Variants in AKAP10 observed in about 807,000 individuals in gnomAD.
The protein encoded by AKAP10 is A-kinase anchor protein 10, mitochondrial.
A neutral mutation model predicts 80.8 loss-of-function variants in AKAP10; 24 were observed. The observed-to-expected ratio is 0.30, with a 90% CI of 0.22 to 0.42. The LOEUF is 0.42. AKAP10 is among the 10% of genes least tolerant of loss of function. AKAP10 has a pLI of 1.00. For missense variants in AKAP10, 661 were observed against 794.9 expected (o/e 0.83, Z 2.03); for synonymous variants, 291 against 277.7 (o/e 1.05, Z -0.48).
intron 1 of AKAP10, among the ~76,000 whole-genome samples, chr17:19,970,240 G>A (rs1050617441): frequency 2.0e-5 from 3 of 152,014 alleles, no homozygotes; most frequent in African/African-American, 4.8e-5. Context: ...CAAAATTCCG[G>A]AAGTCATCCT....
chr17:19,923,653 A>G (rs902844568), intron 11 of AKAP10, among the ~76,000 whole-genome samples: 2 of 151,820 alleles, frequency 1.3e-5, no homozygotes, highest in Non-Finnish European at 2.9e-5. Context: ...CAGCCTCCCA[A>G]GTAGCTGGGA....
chr17:19,946,259 ATATATATATATATATATTTTT>A, intron 5 of AKAP10, among the ~76,000 whole-genome samples: 1 of 23,932 alleles, frequency 4.2e-5, no homozygotes, highest in Non-Finnish European at 7.3e-5. Context: ...ATATATATAT[ATATATATATATATATATTTTT>A]TTTTTTTTTT....
rs894778903 is a variant in AKAP10, at chr17:19,977,765, G to A, written c.-86C>T. ...CCTTCTTCCGGGAGTGGGCCCCACC[G>A]CCTCCTCGGGATGCCCAGGCAGCTC... On this transcript the variant is annotated 5_prime_UTR_variant, in exon 1 of 15. Transcript: ENST00000225737. 7.8e-5 allele frequency: 65 copies of A among 833,414 alleles called. No individual in the cohort carries two copies. The highest frequency in any genetic ancestry group is 1.0e-4 in the Non-Finnish European group (62 of 622,658). The allele number at this position is 833,414 out of a possible 1,614,324, so 51.6% of individuals were successfully genotyped here.
At chr17:19,966,996 T>C (rs2043428379) in intron 2 of AKAP10, among the ~76,000 whole-genome samples, 2 of 152,290 alleles carry the variant, frequency 1.3e-5, no homozygotes, top group South Asian at 4.1e-4. Flanking sequence ...CTTTTTTCCC[T>C]AATTTTACAA....
chr17:19,958,775 T>C (rs1467962692), intron 3 of AKAP10, among the ~76,000 whole-genome samples: 9 of 151,860 alleles, frequency 5.9e-5, no homozygotes, highest in African/African-American at 2.2e-4. Context: ...GCCTAAATTA[T>C]TAAAAAGTTA....
At chr17:19,945,811 T>G (rs960277854) in intron 5 of AKAP10, among the ~76,000 whole-genome samples, 9 of 152,194 alleles carry the variant, frequency 5.9e-5, no homozygotes, top group African/African-American at 1.9e-4. Flanking sequence ...GAACATGTCT[T>G]ATTTCATAAA....
chr17:19,945,460 T>C (rs553596240), intron 5 of AKAP10, among the ~76,000 whole-genome samples: 8 of 152,092 alleles, frequency 5.3e-5, no homozygotes, highest in East Asian at 1.9e-4. Context: ...CACATAAAAA[T>C]AGAGCAACAA....
chr17:19,920,957 ATCTTT>A (rs1287311761), intron 11 of AKAP10, among the ~76,000 whole-genome samples: 1 of 133,522 alleles, frequency 7.5e-6, no homozygotes, highest in African/African-American at 2.7e-5. Context: ...AACATAGAGA[ATCTTT>A]TTTTTTTTTT....
rs957941530 is a variant in AKAP10 at position 19,940,998 on chromosome 17, C to T, written c.1074G>A (p.Glu358=). 8.1e-6 allele frequency: 13 copies of T among 1,603,162 alleles called. No homozygotes were observed. The Admixed American group carries it at 2.1e-4, about 26-fold the overall frequency. The change falls in exon 7 of 15, where the codon GAG becomes GAA. Residue 358 remains glutamate (E), a synonymous_variant. Transcript: ENST00000225737. ...FSAMEQEHFS[E]FLRSHHFCKY... is the part of the protein sequence containing the mutation. ...TACAGAAATGGTGACTTCGCAGAAA[C>T]TCACTAAAGTGCCTGCACATGGACA...
chr17:19,952,698 A>G (rs959748441), intron 4 of AKAP10, among the ~76,000 whole-genome samples: 3 of 152,224 alleles, frequency 2.0e-5, no homozygotes, highest in African/African-American at 7.2e-5. Context: ...AGGGAATTAC[A>G]TAATGATAAA....
chr17:19,952,282 G>T (rs539364176), intron 4 of AKAP10, among the ~76,000 whole-genome samples: 23 of 151,748 alleles, frequency 1.5e-4, no homozygotes, highest in African/African-American at 5.3e-4. Context: ...TGGCTAACAT[G>T]GTGAAAATCC....
At chr17:19,940,640 G>A (rs2043041799) in intron 7 of AKAP10, among the ~76,000 whole-genome samples, 1 of 152,158 alleles carries the variant, frequency 6.6e-6, no homozygotes, top group Non-Finnish European at 1.5e-5. Flanking sequence ...TTAAAAACAT[G>A]CACTCTCTTA....
At chr17:19,962,758 G>T (rs1420011746) in intron 3 of AKAP10, 82 bp downstream of exon 3, 6 of 1,418,978 alleles carry the variant, frequency 4.2e-6, no homozygotes, top group East Asian at 2.3e-5. Flanking sequence ...CAATTATATA[G>T]TTCTGTATCC....
At chr17:19,931,146 A>AAAAG (rs1567757940) in intron 10 of AKAP10, among the ~76,000 whole-genome samples, 60 of 152,304 alleles carry the variant, frequency 3.9e-4, no homozygotes, top group African/African-American at 1.4e-3. Context: ...GAAAAGAAAA[A>AAAAG]AAAAGGAGAC....
At chr17:19,920,201 T>C in intron 11 of AKAP10, 83 bp from the exon 12 acceptor site, 1 of 1,056,768 alleles carries the variant, frequency 9.5e-7, no homozygotes, top group Non-Finnish European at 1.4e-6. Context: ...AAGCGTTTCA[T>C]CTAAATCTAG....
At chr17:19,954,981 A>G (rs2043257513) in intron 4 of AKAP10, among the ~76,000 whole-genome samples, 1 of 152,052 alleles carries the variant, frequency 6.6e-6, no homozygotes, top group South Asian at 2.1e-4. Context: ...GCACTTTGGG[A>G]GGCCGAGGCA....
chr17:19,953,987 T>C (rs1007415006), intron 4 of AKAP10, among the ~76,000 whole-genome samples: 1 of 151,880 alleles, frequency 6.6e-6, no homozygotes, highest in Non-Finnish European at 1.5e-5. Flanking sequence ...AGCCAAGATC[T>C]CACCACTGCA....
intron 10 of AKAP10, among the ~76,000 whole-genome samples, chr17:19,926,410 A>C (rs1185826725): frequency 2.6e-5 from 4 of 152,184 alleles, no homozygotes; most frequent in African/African-American, 7.2e-5. Context: ...TCAGATAGGA[A>C]ACAAGACAAA....
chr17:19,921,263 G>C (rs1335213519), intron 11 of AKAP10, among the ~76,000 whole-genome samples: 1 of 151,778 alleles, frequency 6.6e-6, no homozygotes, highest in Non-Finnish European at 1.5e-5. Flanking sequence ...CACCTCCCGG[G>C]TTCAAGTGAT....
Sources: gnomAD v4.1 joint callset for allele counts (sites outside exome capture counted in the v4.1 genomes callset) on GRCh38, gnomAD v4.1.1 for gene constraint, MANE v1.5 for transcripts, NCBI Gene and HGNC (gene_info 2026-07-23, HGNC 2026-07-21) for gene names.